Variants in PHACTR1 observed in about 807,000 individuals in gnomAD.
PHACTR1 encodes the protein phosphatase and actin regulator 1, also known as RPEL repeat containing 1.
PHACTR1 carries 16 observed loss-of-function variants against 69.2 expected under a neutral mutation model. The ratio of observed to expected loss-of-function variants is 0.23; its 90% CI spans 0.16 to 0.35. The LOEUF (loss-of-function observed/expected upper bound fraction) is 0.35, where lower values mean the gene tolerates loss of function less well. PHACTR1 is among the 10% of genes least tolerant of loss of function. PHACTR1 has a pLI of 1.00. For synonymous variants in PHACTR1, 312 were observed against 284.5 expected, an observed-to-expected ratio of 1.10 and a Z score of -0.97; for missense variants, 510 against 734.7, an observed-to-expected ratio of 0.69 and a Z score of 3.54.
chr6:13,253,342 G>A (rs371733893), intron 10 of PHACTR1, among the ~76,000 whole-genome samples: 1 of 152,296 alleles, frequency 6.6e-6, no homozygotes, highest in South Asian at 2.1e-4. Context: ...GGGTGCATGT[G>A]TTGTTTATTG....
In PHACTR1 at chr6:12,805,564, C is replaced by CTTCT. The variant is rs1213080387; in HGVS notation, c.250+55787_250+55790dup. 4.0e-5 allele frequency among the ~76,000 whole-genome samples: 6 copies of CTTCT among 151,732 alleles called. No individual in the cohort carries two copies. In the East Asian group the frequency reaches 7.7e-4, roughly 20 times the overall value. On this transcript the variant is annotated intron_variant, in intron 4 of 14. Coordinates refer to ENST00000332995, the MANE Select transcript of PHACTR1 (RefSeq NM_030948.6). ...ACCTACTAATTGTCAACTTGAATGG[C>CTTCT]TTCTTTCTTTCTTTCTCTCTCTCTG...
chr6:13,082,867 G>A (rs980698628), intron 5 of PHACTR1, among the ~76,000 whole-genome samples: 1 of 152,094 alleles, frequency 6.6e-6, no homozygotes, highest in Non-Finnish European at 1.5e-5. Flanking sequence ...TGAGTAGGTT[G>A]CAAAAATTTT....
intron 4 of PHACTR1, among the ~76,000 whole-genome samples, chr6:13,049,919 A>G (rs1275156028): frequency 2.6e-5 from 4 of 152,154 alleles, no homozygotes; most frequent in Non-Finnish European, 4.4e-5. Flanking sequence ...CAGGAGAGTA[A>G]GTCTGGGAAT....
At chr6:12,976,850 C>A (rs1446857700) in intron 4 of PHACTR1, among the ~76,000 whole-genome samples, 1 of 152,048 alleles carries the variant, frequency 6.6e-6, no homozygotes, top group East Asian at 1.9e-4. Context: ...AATTGCTCTA[C>A]TTTATTATAA....
intron 4 of PHACTR1, among the ~76,000 whole-genome samples, chr6:12,767,316 C>T (rs1768756642): frequency 6.6e-6 from 1 of 152,190 alleles, no homozygotes; most frequent in African/African-American, 2.4e-5. Flanking sequence ...CCTTGCTCTC[C>T]TCAGCACCAT....
chr6:12,856,259 T>C (rs575821901), intron 4 of PHACTR1, among the ~76,000 whole-genome samples: 7 of 150,280 alleles, frequency 4.7e-5, no homozygotes, highest in African/African-American at 1.7e-4. Context: ...TTCTTTCTTT[T>C]TTTTTTTTTC....
chr6:13,279,944 AG>A (rs1369033645), intron 12 of PHACTR1: 4 of 149,430 alleles, frequency 2.7e-5, no homozygotes, highest in Admixed American at 6.7e-5. Context: ...AAAAAAAAAA[AG>A]TTGTTTAAAT....
At chr6:12,828,094 C>A (rs1013493984) in intron 4 of PHACTR1, among the ~76,000 whole-genome samples, 3 of 152,160 alleles carry the variant, frequency 2.0e-5, no homozygotes, top group Non-Finnish European at 4.4e-5. Flanking sequence ...ACCTACCTAA[C>A]CTTAACCAAT....
chr6:13,081,646 A>T (rs1583274595), intron 5 of PHACTR1, among the ~76,000 whole-genome samples: 2 of 151,678 alleles, frequency 1.3e-5, no homozygotes, highest in Non-Finnish European at 2.9e-5. Flanking sequence ...ACATAGTAAG[A>T]CCCCCATCTC....
chr6:12,777,202 G>A (rs1384907979), intron 4 of PHACTR1, among the ~76,000 whole-genome samples: 1 of 150,198 alleles, frequency 6.7e-6, no homozygotes, highest in African/African-American at 2.4e-5. Flanking sequence ...CACATTTGAG[G>A]TTTATTCAGA....
chr6:13,077,958 T>C (rs73368163), intron 5 of PHACTR1, among the ~76,000 whole-genome samples: 1 of 152,040 alleles, frequency 6.6e-6, no homozygotes, highest in Non-Finnish European at 1.5e-5. Flanking sequence ...TGAATTAAGA[T>C]GAGAAAAGAA....
chr6:13,084,359 A>T (rs1583286090), intron 5 of PHACTR1, among the ~76,000 whole-genome samples: 3 of 113,864 alleles, frequency 2.6e-5, no homozygotes, highest in Admixed American at 2.5e-4. Flanking sequence ...AACATCACAC[A>T]CCGGGGACTG....
chr6:12,746,055 T>C (rs1361244213), intron 3 of PHACTR1, among the ~76,000 whole-genome samples: 1 of 152,136 alleles, frequency 6.6e-6, no homozygotes, highest in Non-Finnish European at 1.5e-5. Context: ...ATGAGTCCTT[T>C]GTATAGGGTA....
In PHACTR1 at chr6:12,762,733, A is replaced by C. The variant is rs1238166098; in HGVS notation, c.250+12943A>C. Among the ~76,000 whole-genome samples, 15 of 152,298 alleles carry C rather than the reference A, an allele frequency of 9.8e-5. No individual in the cohort carries two copies. The East Asian group carries it at 2.7e-3, about 27-fold the overall frequency. ...CTTGACAACAATTACTGTAAATGAC[A>C]CTTGGTTTGCTGTCTAGTGGATTAG... On this transcript the variant is annotated intron_variant, in intron 4 of 14. Coordinates refer to ENST00000332995, the MANE Select transcript of PHACTR1 (RefSeq NM_030948.6).
At chr6:12,732,569 G>A (rs116291366) in intron 3 of PHACTR1, among the ~76,000 whole-genome samples, 1,688 of 152,086 alleles carry the variant, frequency 0.011, 34 homozygotes, top group African/African-American at 0.039. Context: ...GAGTAAGAAC[G>A]TACAGTGTTT....
chr6:13,089,089 C>G (rs1812783127), intron 5 of PHACTR1, among the ~76,000 whole-genome samples: 1 of 152,206 alleles, frequency 6.6e-6, no homozygotes, highest in South Asian at 2.1e-4. Flanking sequence ...CAGGGACCTT[C>G]TACAGGTCCT....
chr6:13,224,231 A>G (rs1483167718), intron 8 of PHACTR1, among the ~76,000 whole-genome samples: 1 of 152,226 alleles, frequency 6.6e-6, no homozygotes, highest in Non-Finnish European at 1.5e-5. Flanking sequence ...TGAAGAGAAG[A>G]TAGTAAGCAA....
At chr6:13,170,874 T>C (rs2113634735) in intron 6 of PHACTR1, among the ~76,000 whole-genome samples, 1 of 152,328 alleles carries the variant, frequency 6.6e-6, no homozygotes, top group African/African-American at 2.4e-5. Flanking sequence ...CCAAGCCTGC[T>C]TGATTGAAGG....
intron 4 of PHACTR1, among the ~76,000 whole-genome samples, chr6:12,851,806 A>T (rs1779854168): frequency 6.6e-6 from 1 of 152,022 alleles, no homozygotes; most frequent in Non-Finnish European, 1.5e-5. Context: ...ACCACTGAAA[A>T]ACAACATTTT....
Sources: allele counts gnomAD v4.1 joint callset (sites outside exome capture counted in the v4.1 genomes callset), GRCh38; gene constraint gnomAD v4.1.1; transcripts MANE v1.5; gene names NCBI Gene and HGNC (gene_info 2026-07-23, HGNC 2026-07-21).